The following VAV2 variants were observed in gnomAD, a reference collection of about 807,000 sequenced individuals.
VAV2 encodes guanine nucleotide exchange factor VAV2.
In VAV2, 67 loss-of-function variants were observed where a neutral mutation model predicts 132.5. That is an observed-to-expected ratio of 0.51 (90% CI 0.42 to 0.62). VAV2 has a LOEUF of 0.62. VAV2 is among the 20% of genes least tolerant of loss of function. VAV2 has a pLI of 0.00. For synonymous variants in VAV2, 492 were observed against 443.5 expected, an observed-to-expected ratio of 1.11 and a Z score of -1.37; for missense variants, 938 against 1,153.6, an observed-to-expected ratio of 0.81 and a Z score of 2.71.
Position 133,861,407 on chromosome 9 carries a change from G to A in VAV2, c.347C>T (p.Ser116Phe), listed in dbSNP as rs1324443921. ...TTTGTTCTGCGCGATGCTGTGCAGG[G>A]AGAGCCTCGACACCGCGGAGATGAC... ...GKVISAVSRL[S>F]LHSIAQNKGI... Residue 116 changes from serine to phenylalanine, a missense_variant, in exon 3 of 30, where the codon TCC becomes TTC. By Grantham distance (155) the Ser-to-Phe change is radical. Coordinates refer to ENST00000371850, the MANE Select transcript of VAV2 (RefSeq NM_001134398.2). The A allele has an allele frequency of 1.2e-6, 2 of 1,613,592 alleles. No homozygotes were observed. Among genetic ancestry groups the A allele is most frequent in the Admixed American group, 3.3e-5 (2 of 59,990 alleles).
chr9:133,804,919 C>T lies in VAV2; in HGVS notation c.836+1162G>A, dbSNP rs1024330918. Among the ~76,000 whole-genome samples the T allele has an allele frequency of 2.0e-5, 3 of 152,178 alleles. No individual in the cohort carries two copies. The highest frequency in any genetic ancestry group is 2.9e-5 in the Non-Finnish European group (2 of 68,024). ...GGACCACAAGCACTGCCTGCTCCCT[C>T]GTGTCTCCGGGAACCCTCCAAGCCA... is the stretch of plus-strand genomic sequence containing the variant. On this transcript the variant is annotated intron_variant, in intron 9 of 29. Coordinates refer to ENST00000371850, the MANE Select transcript of VAV2 (RefSeq NM_001134398.2). The surrounding 1 kb of genome is among the most constrained non-coding windows in gnomAD (Gnocchi z 4.5).
At chr9:133,866,764 C>T (rs1415682023) in intron 2 of VAV2, among the ~76,000 whole-genome samples, 1 of 150,528 alleles carries the variant, frequency 6.6e-6, no homozygotes, top group Non-Finnish European at 1.5e-5. Flanking sequence ...CGAGATTGCA[C>T]CACTGCACTC....
At position 133,763,814 on chromosome 9, in the gene VAV2, G is replaced by A; in HGVS notation, c.*248C>T. On this transcript the variant is annotated 3_prime_UTR_variant, in exon 30 of 30. Coordinates refer to ENST00000371850, the MANE Select transcript of VAV2 (RefSeq NM_001134398.2). This position sits in a 1 kb window ranked among gnomAD's most constrained non-coding sequence, Gnocchi z 6.8. ...CAGCGCTGTCGGTGCCCCCTCCTCT[G>A]CGCTCTGGGTGGGGCTAGCCCAGGT... 1.9e-6 allele frequency: 1 copy of A among 524,492 alleles called. No homozygotes were observed. Among genetic ancestry groups the A allele is most frequent in the South Asian group, 2.1e-5 (1 of 46,858 alleles). 32.5% of individuals were successfully genotyped at this position (524,492 alleles called of 1,614,324 possible).
At chr9:133,790,889 T>C (rs1391000176) in intron 13 of VAV2, among the ~76,000 whole-genome samples, 1 of 151,660 alleles carries the variant, frequency 6.6e-6, no homozygotes, top group Non-Finnish European at 1.5e-5. Flanking sequence ...ATCACCAGGG[T>C]GAAAATGTTT....
chr9:133,971,149 A>G (rs61331999), intron 1 of VAV2, among the ~76,000 whole-genome samples: 4,226 of 152,300 alleles, frequency 0.028, 93 homozygotes, highest in Middle Eastern at 0.041. Flanking sequence ...CAACGAAGTC[A>G]GGCAGAGTCC....
intron 4 of VAV2, among the ~76,000 whole-genome samples, chr9:133,831,393 G>A (rs1209429533): frequency 5.3e-5 from 8 of 151,608 alleles, no homozygotes; most frequent in African/African-American, 1.5e-4. Flanking sequence ...CTGAGATCGC[G>A]CCACTGCACT....
intron 1 of VAV2, among the ~76,000 whole-genome samples, chr9:133,950,868 A>G (rs493433): frequency 0.41 from 62,219 of 151,910 alleles, 14,263 homozygotes; most frequent in Non-Finnish European, 0.52. Flanking sequence ...ACATGAGGGC[A>G]TTCGCACGCT....
chr9:133,855,749 G>A (rs1010109173), intron 3 of VAV2, among the ~76,000 whole-genome samples: 2 of 152,180 alleles, frequency 1.3e-5, no homozygotes, highest in Admixed American at 6.5e-5. Context: ...GATTCAATAC[G>A]GGTATGTCTG....
chr9:133,815,173 A>G (rs1474524443), intron 4 of VAV2, among the ~76,000 whole-genome samples: 4 of 151,954 alleles, frequency 2.6e-5, no homozygotes, highest in South Asian at 4.2e-4. Context: ...AGGGGTGTGG[A>G]AGGCAGAGTC....
At chr9:133,847,218 G>A (rs368239771) in intron 3 of VAV2, among the ~76,000 whole-genome samples, 1 of 152,060 alleles carries the variant, frequency 6.6e-6, no homozygotes, top group African/African-American at 2.4e-5. Context: ...CGACGTGCAG[G>A]GTTCCCATCC....
chr9:133,793,319 G>A (rs1834573193), intron 12 of VAV2, among the ~76,000 whole-genome samples: 1 of 151,936 alleles, frequency 6.6e-6, no homozygotes, highest in Non-Finnish European at 1.5e-5. Flanking sequence ...TGACCAGCCA[G>A]GGCCAGAGCC....
rs1048641952 is a variant in VAV2 at position 133,991,348 on chromosome 9, G to A, written c.204+727C>T. 5.9e-5 allele frequency among the ~76,000 whole-genome samples: 9 copies of A among 152,236 alleles called. No homozygotes were observed. Among genetic ancestry groups the A allele is most frequent in the African/African-American group, 2.2e-4 (9 of 41,458 alleles). Reference sequence around the variant, plus strand: ...GGCAGGCATTTTCCTGCCTGGCCCTGCGGCCGCACGCGTGCCTCCGCCGCG... The same window carrying A: ...GGCAGGCATTTTCCTGCCTGGCCCTACGGCCGCACGCGTGCCTCCGCCGCG... On this transcript the variant is annotated intron_variant, in intron 1 of 29. Transcript: ENST00000371850. The surrounding 1 kb of genome is among the most constrained non-coding windows in gnomAD (Gnocchi z 4.8).
rs367561487 is a variant in VAV2 at position 133,768,598 on chromosome 9, T to C, written c.2435-2A>G. On this transcript the variant is annotated splice_acceptor_variant, in intron 28 of 29. Coordinates refer to ENST00000371850, the MANE Select transcript of VAV2 (RefSeq NM_001134398.2). LOFTEE classifies it high-confidence loss of function. This position sits in a 1 kb window ranked among gnomAD's most constrained non-coding sequence, Gnocchi z 5.3. The stretch of plus-strand genomic sequence containing the variant: ...TGCCGATGACGCGGGGCGTGAACAC[T>C]GTTGAGGGAGATGGGCAGCATCACA... 1.9e-6 allele frequency: 3 copies of C among 1,613,022 alleles called. No homozygotes were observed. Among genetic ancestry groups the C allele is most frequent in the Non-Finnish European group, 2.5e-6 (3 of 1,179,638 alleles).
rs1588284460 is a variant in VAV2 at position 133,863,836 on chromosome 9, C to T, written c.322-2404G>A. Among the ~76,000 whole-genome samples, 2 of 152,276 alleles carry T rather than the reference C, an allele frequency of 1.3e-5. No homozygotes were observed. Among genetic ancestry groups the T allele is most frequent in the East Asian group, 1.9e-4 (1 of 5,162 alleles). On this transcript the variant is annotated intron_variant, in intron 2 of 29. Transcript: ENST00000371850. This position sits in a 1 kb window ranked among gnomAD's most constrained non-coding sequence, Gnocchi z 5.0. ...GGGCAGGGGCTGCTGGAGCAGACAC[C>T]GGACCCCTGAGATAGCCATGGGGTC...
chr9:133,854,420 G>A (rs764927301), intron 3 of VAV2, among the ~76,000 whole-genome samples: 11 of 152,260 alleles, frequency 7.2e-5, no homozygotes, highest in Non-Finnish European at 1.0e-4. Context: ...ATGGCTGGAC[G>A]AATGCAAAAG....
chr9:133,792,672 CAA>C (rs1834538906), intron 12 of VAV2, among the ~76,000 whole-genome samples: 86 of 142,002 alleles, frequency 6.1e-4, no homozygotes, highest in South Asian at 2.8e-3. Context: ...GCTCAGCCCC[CAA>C]GGGACCCCCC....
rs562209364 is a variant in VAV2 at position 133,792,836 on chromosome 9, A to C, written c.1102-967T>G. On this transcript the variant is annotated intron_variant, in intron 12 of 29. Transcript: ENST00000371850. The stretch of plus-strand genomic sequence containing the variant: ...CTGAGGCAGGAAAGGGAACACACTG[A>C]CCGAGAGCCACACCTCGTCAGTGAT... 8.2e-3 allele frequency among the ~76,000 whole-genome samples: 1,246 copies of C among 152,018 alleles called. 9 individuals are homozygous for C. The highest frequency in any genetic ancestry group is 0.017 in the Middle Eastern group (5 of 294).
chr9:133,968,090 G>A (rs1341510393), intron 1 of VAV2, among the ~76,000 whole-genome samples: 4 of 152,064 alleles, frequency 2.6e-5, no homozygotes, highest in Admixed American at 1.3e-4. Context: ...GGTTAATGGG[G>A]GCAAACATGC....
At chr9:133,976,864 T>A (rs1175246662) in intron 1 of VAV2, among the ~76,000 whole-genome samples, 1 of 152,180 alleles carries the variant, frequency 6.6e-6, no homozygotes, top group Non-Finnish European at 1.5e-5. Context: ...ACTCCTTTTA[T>A]CCCCATCCTA....
Sources: allele counts gnomAD v4.1 joint callset (sites outside exome capture counted in the v4.1 genomes callset), GRCh38; gene constraint gnomAD v4.1.1; non-coding constraint Gnocchi (gnomAD v3.1); transcripts MANE v1.5; gene names NCBI Gene and HGNC (gene_info 2026-07-23, HGNC 2026-07-21).